Variants in GPCPD1 observed in about 807,000 individuals in gnomAD.
GPCPD1 encodes glycerophosphocholine phosphodiesterase 1.
GPCPD1 carries 29 observed loss-of-function variants against 89.2 expected under a neutral mutation model. The ratio of observed to expected loss-of-function variants is 0.33; its 90% confidence interval spans 0.24 to 0.44. The LOEUF is 0.44. Among genes scored for constraint, GPCPD1 ranks in the 20% least tolerant of loss-of-function variants. The probability of loss-of-function intolerance (pLI) is 1.00; values close to 1 mark genes in which losing one functional copy is unlikely to be tolerated. For missense variants in GPCPD1, 594 were observed against 808.9 expected (o/e 0.73, Z 3.22); for synonymous variants, 258 against 266.3 (o/e 0.97, Z 0.30).
rs974319818 is a variant in GPCPD1, at chr20:5,545,855, C to T, written c.*1806G>A. On this transcript the variant is annotated 3_prime_UTR_variant, in exon 20 of 20. Coordinates refer to ENST00000379019, the MANE Select transcript of GPCPD1 (RefSeq NM_019593.5). ...TGACCTCCTTCCTTCATCCTTTCTT[C>T]TGTCTCCTTTTTCTCTTTATGATCT... The T allele has an allele frequency of 2.0e-5, 3 of 152,366 alleles. No homozygotes were observed. Among genetic ancestry groups the T allele is most frequent in the Non-Finnish European group, 4.4e-5 (3 of 68,178 alleles). The allele number at this position is 152,366 out of a possible 1,614,324, so 9.4% of individuals were successfully genotyped here.
At chr20:5,558,334 A>G (rs572737356) in intron 18 of GPCPD1, among the ~76,000 whole-genome samples, 1 of 152,176 alleles carries the variant, frequency 6.6e-6, no homozygotes, top group South Asian at 2.1e-4. Context: ...TTGAATGTGC[A>G]GTCAAAAAAT....
intron 3 of GPCPD1, among the ~76,000 whole-genome samples, chr20:5,595,640 CAAAACAAAAACA>C (rs1555809483): frequency 2.0e-5 from 3 of 151,634 alleles, no homozygotes; most frequent in Non-Finnish European, 4.4e-5. Context: ...GATTCCATCT[CAAAACAAAAACA>C]AAAACAAAAA....
intron 1 of GPCPD1, among the ~76,000 whole-genome samples, chr20:5,609,360 T>C (rs1009605061): frequency 6.6e-6 from 1 of 152,222 alleles, no homozygotes; most frequent in Non-Finnish European, 1.5e-5. Flanking sequence ...GTGACTGTCA[T>C]TCTGATTCCC....
At chr20:5,593,467 A>C in intron 3 of GPCPD1, 56 bp from the exon 4 acceptor site, 1 of 873,024 alleles carries the variant, frequency 1.1e-6, no homozygotes, top group Non-Finnish European at 1.9e-6. Flanking sequence ...CAGTGCATAA[A>C]GACTTCTTAA....
rs756323222 is a variant in GPCPD1 at position 5,558,103 on chromosome 20, C to G, written c.1671G>C (p.Gly557=). Residue 557 remains glycine (G), a splice_region_variant and synonymous_variant, in exon 19 of 20, where the codon GGG becomes GGC. Coordinates refer to ENST00000379019, the MANE Select transcript of GPCPD1 (RefSeq NM_019593.5). The part of the protein sequence containing the change: ...MSFAQFENLL[G]INVHTEDLLR... ...GCAAGTCTTCAGTATGTACATTTAT[C>G]CCCTAGAAGAAGAAAAATTAGTTGT... 6.4e-7 allele frequency: 1 copy of G among 1,566,834 alleles called. No individual in the cohort carries two copies. Among genetic ancestry groups the G allele is most frequent in the Non-Finnish European group, 8.7e-7 (1 of 1,155,226 alleles).
At chr20:5,586,478 C>A (rs901959885) in intron 4 of GPCPD1, among the ~76,000 whole-genome samples, 2 of 152,008 alleles carry the variant, frequency 1.3e-5, no homozygotes, top group Non-Finnish European at 2.9e-5. Flanking sequence ...AGGCAGTAAA[C>A]AAAGAAAAAT....
In GPCPD1 at chr20:5,547,988, A is replaced by G; in HGVS notation, c.1830-138T>C. On this transcript the variant is annotated intron_variant, in intron 19 of 19. Transcript: ENST00000379019. ...CACATCAGAGTTTTTGTTTTGTTTT[A>G]AAGATGAAAGTATCCATTCTCTTTT... 6.1e-6 allele frequency: 3 copies of G among 489,600 alleles called. No homozygotes were observed. The East Asian group carries it at 9.3e-5, about 15-fold the overall frequency. The allele number at this position is 489,600 out of a possible 1,614,324, so 30.3% of individuals were successfully genotyped here. A position where few individuals can be genotyped will look rare whatever the true frequency, so the allele number is the denominator to read the frequency against.
chr20:5,549,035 G>A lies in GPCPD1; in HGVS notation c.1830-1185C>T, dbSNP rs561708966. The A allele has an allele frequency of 1.8e-4, 119 of 668,192 alleles. No individual in the cohort carries two copies. In the African/African-American group the frequency reaches 1.9e-3, roughly 11 times the overall value. The allele number at this position is 668,192 out of a possible 1,614,324, so 41.4% of individuals were successfully genotyped here. A position where few individuals can be genotyped will look rare whatever the true frequency, so the allele number is the denominator to read the frequency against. ...GCCGCTGATCTCTAAGTTTGATCCT[G>A]TTGACTTTTGGGCTCTGTACAACCA... On this transcript the variant is annotated intron_variant, in intron 19 of 19. Transcript: ENST00000379019.
rs527718407 is a variant in GPCPD1, at chr20:5,594,145, C to T, written c.147-734G>A. Among the ~76,000 whole-genome samples, 7 of 152,334 alleles carry T rather than the reference C, an allele frequency of 4.6e-5. No individual in the cohort carries two copies. The South Asian group carries it at 1.4e-3, about 32-fold the overall frequency. On this transcript the variant is annotated intron_variant, in intron 3 of 19. Transcript: ENST00000379019. ...CTGAGTTTTAGCTTCAAATAATAAA[C>T]TAGTGCTATCCACAGCATGGTCCCA...
At chr20:5,601,244 T>C (rs1782834750) in intron 2 of GPCPD1, among the ~76,000 whole-genome samples, 1 of 151,792 alleles carries the variant, frequency 6.6e-6, no homozygotes, top group African/African-American at 2.4e-5. Flanking sequence ...GTTGTGCACC[T>C]ATAGTCCCAG....
rs147422854 is a variant in GPCPD1, at chr20:5,550,062, G to A, written c.1830-2212C>T. Among the ~76,000 whole-genome samples, 173 of 151,896 alleles carry A rather than the reference G, an allele frequency of 1.1e-3. 1 individual carries two copies. In the East Asian group the frequency reaches 0.024, roughly 21 times the overall value. On this transcript the variant is annotated intron_variant, in intron 19 of 19. Transcript: ENST00000379019. ...CAAAAAATTAGCCAGGCATGGTGGCGTGCGCCTGTAGGCCCAGCTACTTGG... is the reference window on the plus strand; with the variant it reads ...CAAAAAATTAGCCAGGCATGGTGGCATGCGCCTGTAGGCCCAGCTACTTGG...
intron 4 of GPCPD1, among the ~76,000 whole-genome samples, chr20:5,591,916 T>A (rs551017356): frequency 2.0e-5 from 3 of 152,318 alleles, no homozygotes; most frequent in African/African-American, 7.2e-5. Flanking sequence ...CACCAACACA[T>A]ACTGTAAACT....
At position 5,600,696 on chromosome 20, in the gene GPCPD1, G is replaced by A. The variant is rs538642818; in HGVS notation, c.50-1875C>T. On this transcript the variant is annotated intron_variant, in intron 2 of 19. Coordinates refer to ENST00000379019, the MANE Select transcript of GPCPD1 (RefSeq NM_019593.5). ...AAAATACAAAAATTAGCTGGGTGTG[G>A]TAGCAGGCACCTGTAATCCCAGTTA... Among the ~76,000 whole-genome samples the A allele has an allele frequency of 9.8e-5, 15 of 152,310 alleles. No homozygotes were observed. The East Asian group carries it at 2.9e-3, about 29-fold the overall frequency.
At chr20:5,552,181 T>C (rs1985453917) in intron 19 of GPCPD1, among the ~76,000 whole-genome samples, 1 of 151,760 alleles carries the variant, frequency 6.6e-6, no homozygotes, top group Non-Finnish European at 1.5e-5. Context: ...TAAAAAAAAA[T>C]GTTGAGGGTA....
chr20:5,609,614 TTATG>T (rs1459943255), intron 1 of GPCPD1, among the ~76,000 whole-genome samples: 1 of 152,202 alleles, frequency 6.6e-6, no homozygotes, highest in Non-Finnish European at 1.5e-5. Context: ...TCAACGTACT[TTATG>T]TACGTATCAA....
Position 5,547,753 on chromosome 20 carries a change from G to T in GPCPD1, c.1927C>A (p.Pro643Thr). 6.2e-7 allele frequency: 1 copy of T among 1,609,372 alleles called. No homozygotes were observed. The highest frequency in any genetic ancestry group is 1.1e-5 in the South Asian group (1 of 90,918). Reference protein sequence around the residue: ...ELPELKSCLCPTVSRFVPSSL... With the variant: ...ELPELKSCLCTTVSRFVPSSL... ...GAGGGAACAAAGCGGCTAACAGTGG[G>T]ACACAAACAGCTCTTAAGCTCTGGC... The change falls in exon 20 of 20, where the codon CCC becomes ACC. Residue 643 changes from proline to threonine, a missense_variant. Transcript: ENST00000379019.
rs41282128 is a variant in GPCPD1 at position 5,570,188 on chromosome 20, C to T, written c.1108G>A (p.Val370Met). The change falls in exon 12 of 20, where the codon GTG becomes ATG. Residue 370 changes from valine to methionine, a missense_variant. Coordinates refer to ENST00000379019, the MANE Select transcript of GPCPD1 (RefSeq NM_019593.5). ...DVHLSKDFVP[V>M]VYHDLTCCLT... Reference sequence around the variant, plus strand: ...CAACAGGTAAGATCATGATATACCACGGGCACAAAGTCCTTTGAAAGGTGT... The same window carrying T: ...CAACAGGTAAGATCATGATATACCATGGGCACAAAGTCCTTTGAAAGGTGT... 5.8e-5 allele frequency: 93 copies of T among 1,594,326 alleles called. 1 individual carries two copies. Among genetic ancestry groups the T allele is most frequent in the Non-Finnish European group, 7.1e-5 (83 of 1,163,050 alleles).
At chr20:5,606,002 AAGG>A (rs1457426098) in intron 1 of GPCPD1, among the ~76,000 whole-genome samples, 2 of 152,162 alleles carry the variant, frequency 1.3e-5, no homozygotes, top group Non-Finnish European at 2.9e-5. Context: ...AAAGGAATTT[AAGG>A]AGATTAAAAA....
intron 19 of GPCPD1, among the ~76,000 whole-genome samples, chr20:5,556,488 GCC>G (rs1347647498): frequency 6.6e-6 from 1 of 152,214 alleles, no homozygotes; most frequent in East Asian, 1.9e-4. Context: ...ACAGGCGTGA[GCC>G]ACTGCGCCCG....
Sources: allele counts gnomAD v4.1 joint callset (sites outside exome capture counted in the v4.1 genomes callset), GRCh38; gene constraint gnomAD v4.1.1; transcripts MANE v1.5; gene names NCBI Gene and HGNC (gene_info 2026-07-23, HGNC 2026-07-21).